Variants in FAM193A observed in about 807,000 individuals in gnomAD.
FAM193A encodes protein FAM193A.
In FAM193A, 22 loss-of-function variants were observed where a neutral mutation model predicts 126.5. The ratio of observed to expected loss-of-function variants is 0.17; its 90% CI spans 0.12 to 0.25. The LOEUF (loss-of-function observed/expected upper bound fraction) is 0.25. Ranked by LOEUF, FAM193A falls within the 10% of genes least tolerant of loss-of-function variation. The pLI, the probability that FAM193A is intolerant of heterozygous loss-of-function variation, is 1.00. For missense variants in FAM193A, 1,675 were observed against 1,672.8 expected (o/e 1.00, Z -0.02); for synonymous variants, 761 against 646.8 (o/e 1.18, Z -2.68).
rs774589325 is a variant in FAM193A, at chr4:2,693,680, G to A, written c.2898G>A (p.Ala966=). The A allele has an allele frequency of 1.2e-5, 19 of 1,614,008 alleles. No individual in the cohort carries two copies. Among genetic ancestry groups the A allele is most frequent in the East Asian group, 4.5e-5 (2 of 44,884 alleles). The stretch of plus-strand genomic sequence containing the variant: ...CCACGGGCTTGGCCCCCCTCCCAGC[G>A]CTCTCGCCTGCTGCGCTGTCACCTG... ...NSPTGLAPLP[A]LSPAALSPAA... is the part of the protein sequence containing the mutation. Residue 966 remains alanine, a synonymous_variant, in exon 16 of 21, where the codon GCG becomes GCA. Transcript: ENST00000637812.
intron 1 of FAM193A, among the ~76,000 whole-genome samples, chr4:2,555,795 T>C (rs545594429): frequency 4.8e-3 from 436 of 90,454 alleles, no homozygotes; most frequent in African/African-American, 0.017. Context: ...TTTTTTGTAT[T>C]TTTAGTAGAG....
chr4:2,646,791 C>T lies in FAM193A; in HGVS notation c.1270C>T (p.Leu424=), dbSNP rs767777748. 1.9e-6 allele frequency: 3 copies of T among 1,613,956 alleles called. No homozygotes were observed. Among genetic ancestry groups the T allele is most frequent in the South Asian group, 2.2e-5 (2 of 91,066 alleles). The change falls in exon 7 of 21, where the codon CTG becomes TTG. Residue 424 remains leucine (L), a synonymous_variant. Transcript: ENST00000637812. ...EELRRVAEEW[L]ECQKRIDAYV... The stretch of plus-strand genomic sequence containing the variant: ...GCTGCGCAGAGTCGCCGAGGAGTGG[C>T]TGGAGTGCCAGAAGAGGATCGACGC...
chr4:2,699,559 C>A, intron 18 of FAM193A, 121 bp from the exon 19 acceptor site: 2 of 916,628 alleles, frequency 2.2e-6, no homozygotes, highest in Non-Finnish European at 3.3e-6. Flanking sequence ...TGATTTATTA[C>A]AGCCTCTTCA....
chr4:2,578,700 C>G (rs953768449), intron 1 of FAM193A, among the ~76,000 whole-genome samples: 1 of 152,128 alleles, frequency 6.6e-6, no homozygotes, highest in African/African-American at 2.4e-5. Context: ...CTTACCAATA[C>G]TATAAACATT....
intron 13 of FAM193A, among the ~76,000 whole-genome samples, chr4:2,674,458 G>T (rs966572930): frequency 1.3e-5 from 2 of 152,208 alleles, no homozygotes; most frequent in African/African-American, 4.8e-5. Flanking sequence ...TCAACAGCAG[G>T]ATTGTTGGGC....
At chr4:2,698,785 C>G (rs1717333571) in intron 18 of FAM193A, among the ~76,000 whole-genome samples, 1 of 152,202 alleles carries the variant, frequency 6.6e-6, no homozygotes, top group South Asian at 2.1e-4. Flanking sequence ...GTGTGCATCA[C>G]TACTCAAATG....
chr4:2,646,595 G>A (rs1029942118), intron 6 of FAM193A, 90 bp from the exon 7 acceptor site: 76 of 1,361,788 alleles, frequency 5.6e-5, no homozygotes, highest in Non-Finnish European at 7.6e-5. Context: ...AGATGACAAA[G>A]CAGGATAGTA....
Position 2,590,809 on chromosome 4 carries a change from C to T in FAM193A, c.256-5275C>T, listed in dbSNP as rs185380791. On this transcript the variant is annotated intron_variant, in intron 1 of 20. Transcript: ENST00000637812. ...GTGAGAGGCCGAGGCGGGTGGATCA[C>T]GAGGTCAGGAGATCGAGACCATCCT... Among the ~76,000 whole-genome samples the T allele has an allele frequency of 9.0e-4, 137 of 151,960 alleles. No homozygotes were observed. The East Asian group carries it at 0.023, about 26-fold the overall frequency.
intron 1 of FAM193A, among the ~76,000 whole-genome samples, chr4:2,590,445 CAG>C (rs1298231443): frequency 1.9e-5 from 2 of 107,730 alleles, no homozygotes; most frequent in African/African-American, 7.1e-5. Context: ...AGCCTGGTGA[CAG>C]AGCGAGACTC....
intron 1 of FAM193A, among the ~76,000 whole-genome samples, chr4:2,556,291 C>T (rs1043168349): frequency 6.6e-6 from 1 of 151,764 alleles, no homozygotes; most frequent in African/African-American, 2.4e-5. Context: ...CTGCAACCTC[C>T]ACCTCCCGGG....
At chr4:2,665,633 C>A (rs1407328189) in intron 12 of FAM193A, among the ~76,000 whole-genome samples, 1 of 152,158 alleles carries the variant, frequency 6.6e-6, no homozygotes, top group Non-Finnish European at 1.5e-5. Context: ...CTCAGCCTCC[C>A]AGGTAGCTAG....
intron 5 of FAM193A, among the ~76,000 whole-genome samples, chr4:2,637,835 C>G (rs531143535): frequency 6.6e-6 from 1 of 152,354 alleles, no homozygotes; most frequent in South Asian, 2.1e-4. Flanking sequence ...AGGACAGTGC[C>G]TGGCCATGCT....
At chr4:2,619,937 C>T (rs187965447) in intron 2 of FAM193A, among the ~76,000 whole-genome samples, 104 of 152,262 alleles carry the variant, frequency 6.8e-4, no homozygotes, top group African/African-American at 2.3e-3. Context: ...GTGATCCACT[C>T]GCCTCATCCT....
chr4:2,706,099 T>G (rs753686092), intron 19 of FAM193A, among the ~76,000 whole-genome samples: 2 of 152,092 alleles, frequency 1.3e-5, no homozygotes, highest in Non-Finnish European at 2.9e-5. Context: ...TCTCAGCCAC[T>G]TGGAAGGCTG....
intron 19 of FAM193A, chr4:2,715,622 C>A: frequency 1.8e-6 from 1 of 550,444 alleles, no homozygotes; most frequent in African/African-American, 2.1e-5. Flanking sequence ...CTTCTGCTGG[C>A]AGCTGTGCTC....
Position 2,689,712 on chromosome 4 carries a change from A to G in FAM193A, c.2530+8A>G. 1 of 1,561,402 alleles carries G rather than the reference A, an allele frequency of 6.4e-7. No homozygotes were observed. The highest frequency in any genetic ancestry group is 8.6e-7 in the Non-Finnish European group (1 of 1,158,860). ...TGCCAGATACAATTTCTGGTAAGGAATTTGTTAAAACTTTCTTGAAGTTTT... is the reference window on the plus strand; with the variant it reads ...TGCCAGATACAATTTCTGGTAAGGAGTTTGTTAAAACTTTCTTGAAGTTTT... On this transcript the variant is annotated splice_region_variant and intron_variant, in intron 14 of 20. Transcript: ENST00000637812.
At chr4:2,568,471 G>A (rs2108853569) in intron 1 of FAM193A, among the ~76,000 whole-genome samples, 1 of 152,298 alleles carries the variant, frequency 6.6e-6, no homozygotes, top group African/African-American at 2.4e-5. Flanking sequence ...AGTGAGCTGT[G>A]ATTGTGTCAT....
chr4:2,638,375 C>T (rs1744296249), intron 5 of FAM193A, among the ~76,000 whole-genome samples: 1 of 152,196 alleles, frequency 6.6e-6, no homozygotes, highest in Non-Finnish European at 1.5e-5. Flanking sequence ...TTGTGGGTTC[C>T]AGCCTGGGGC....
At chr4:2,583,452 T>A (rs371878147) in intron 1 of FAM193A, among the ~76,000 whole-genome samples, 2 of 152,144 alleles carry the variant, frequency 1.3e-5, no homozygotes, top group Non-Finnish European at 2.9e-5. Flanking sequence ...ATTAGGACTT[T>A]TGTTTCTGAG....
Sources: allele counts gnomAD v4.1 joint callset (sites outside exome capture counted in the v4.1 genomes callset), GRCh38; gene constraint gnomAD v4.1.1; transcripts MANE v1.5; gene names NCBI Gene and HGNC (gene_info 2026-07-23, HGNC 2026-07-21).